MS4A15: variants seen among roughly 807,000 people sequenced by gnomAD.
MS4A15 encodes the protein membrane-spanning 4-domains subfamily A member 15.
In MS4A15, 22 loss-of-function variants were observed where a neutral mutation model predicts 20.6. The observed-to-expected ratio is 1.07, with a 90% CI of 0.76 to 1.52. The LOEUF (loss-of-function observed/expected upper bound fraction) is 1.52. MS4A15 is among the 40% of genes most tolerant of loss of function. The probability of loss-of-function intolerance (pLI) is 0.00; values close to 1 mark genes in which losing one functional copy is unlikely to be tolerated. For missense variants in MS4A15, 312 were observed against 323.0 expected, an observed-to-expected ratio of 0.97 and a Z score of 0.26; for synonymous variants, 129 against 129.3, an observed-to-expected ratio of 1.00 and a Z score of 0.02.
At chr11:60,773,006 A>G (rs886394881) in intron 4 of MS4A15, among the ~76,000 whole-genome samples, 3 of 151,814 alleles carry the variant, frequency 2.0e-5, no homozygotes, top group South Asian at 2.1e-4. Flanking sequence ...GCCTCCCCCA[A>G]CCCATGCCCC....
intron 1 of MS4A15, among the ~76,000 whole-genome samples, chr11:60,758,788 C>T (rs1302630106): frequency 6.6e-6 from 1 of 152,144 alleles, no homozygotes; most frequent in Non-Finnish European, 1.5e-5. Flanking sequence ...ATTGTTGTTT[C>T]TGAGCCCTTG....
At chr11:60,767,230 T>A (rs1464763749) in intron 2 of MS4A15, among the ~76,000 whole-genome samples, 1 of 152,010 alleles carries the variant, frequency 6.6e-6, no homozygotes, top group African/African-American at 2.4e-5. Context: ...TTGAACCGAG[T>A]CCTGAGAAAG....
Position 60,775,630 on chromosome 11 carries a change from T to G in MS4A15, c.638T>G (p.Phe213Cys), listed in dbSNP as rs758022309. ...CCTGTGATCTTCCTGCCAAACGCCT[T>G]CAGCGCAGACTTCAACATCCCCAGC... ...SAPVIFLPNA[F>C]SADFNIPSPA... Residue 213 changes from phenylalanine to cysteine, a missense_variant, in exon 7 of 7, where the codon TTC becomes TGC. By Grantham distance (205) the Phe-to-Cys change is radical (BLOSUM62 -2). Transcript: ENST00000405633. 6.2e-7 allele frequency: 1 copy of G among 1,613,962 alleles called. No homozygotes were observed. The highest frequency in any genetic ancestry group is 1.3e-5 in the African/African-American group (1 of 75,062).
chr11:60,770,105 T>C (rs4939452), intron 3 of MS4A15, among the ~76,000 whole-genome samples: 71,009 of 151,996 alleles, frequency 0.47, 17,182 homozygotes, highest in Non-Finnish European at 0.52. Context: ...GCCAAGTACA[T>C]AGGTGCCATG....
At chr11:60,770,163 T>G (rs1853997344) in intron 3 of MS4A15, among the ~76,000 whole-genome samples, 2 of 152,186 alleles carry the variant, frequency 1.3e-5, no homozygotes, top group African/African-American at 4.8e-5. Context: ...GCCCGGCTGT[T>G]GTCATCCCAG....
chr11:60,772,586 T>C (rs1054564071), intron 4 of MS4A15, among the ~76,000 whole-genome samples: 1 of 152,236 alleles, frequency 6.6e-6, no homozygotes, highest in Admixed American at 6.5e-5. Context: ...TGTTCTGATC[T>C]CAATGACCTC....
intron 1 of MS4A15, among the ~76,000 whole-genome samples, chr11:60,758,313 A>G (rs7930940): frequency 0.68 from 102,646 of 151,946 alleles, 35,057 homozygotes; most frequent in South Asian, 0.81. Context: ...CAGTTAAACA[A>G]GGTGCCACAG....
At chr11:60,769,924 G>A (rs1284185106) in intron 3 of MS4A15, among the ~76,000 whole-genome samples, 9 of 152,108 alleles carry the variant, frequency 5.9e-5, no homozygotes, top group African/African-American at 1.9e-4. Flanking sequence ...TCACCCCAGG[G>A]CCTCCTCCAC....
chr11:60,773,477 C>T lies in MS4A15; in HGVS notation c.491C>T (p.Thr164Ile). ...ATTCTGCTCATGGATTTTGGTGTTA[C>T]CAACCGGGTGCGTTGTCAGATGGCC... Reference protein sequence around the residue: ...TAILLMDFGVTNRDVDRGYLA... With the variant: ...TAILLMDFGVINRDVDRGYLA... The change falls in exon 5 of 7, where the codon ACC becomes ATC. Residue 164 changes from threonine to isoleucine, a missense_variant. Coordinates refer to ENST00000405633, the MANE Select transcript of MS4A15 (RefSeq NM_001098835.2). 1 of 1,613,824 alleles carries T rather than the reference C, an allele frequency of 6.2e-7. No homozygotes were observed. Among genetic ancestry groups the T allele is most frequent in the Non-Finnish European group, 8.5e-7 (1 of 1,179,834 alleles).
chr11:60,771,479 G>C (rs960508060), intron 4 of MS4A15, 132 bp downstream of exon 4: 2 of 1,545,092 alleles, frequency 1.3e-6, no homozygotes, highest in Non-Finnish European at 1.7e-6. Flanking sequence ...AGTGCCAGGG[G>C]AGGGGCACCA....
chr11:60,771,774 T>G, intron 4 of MS4A15: 1 of 1,208,028 alleles, frequency 8.3e-7, no homozygotes, highest in South Asian at 1.5e-5. Flanking sequence ...AGAAGGAAAG[T>G]GGAAAGAAAT....
At chr11:60,759,842 G>A (rs1853689797) in intron 1 of MS4A15, among the ~76,000 whole-genome samples, 1 of 152,134 alleles carries the variant, frequency 6.6e-6, no homozygotes, top group Admixed American at 6.5e-5. Context: ...TTACTCACAT[G>A]TTTTCCTGCT....
intron 6 of MS4A15, among the ~76,000 whole-genome samples, chr11:60,775,038 G>A (rs1004063815): frequency 2.6e-5 from 4 of 152,298 alleles, no homozygotes; most frequent in South Asian, 4.1e-4. Context: ...CAGCAGAGCC[G>A]GACGTGGTGG....
rs1035518198 is a variant in MS4A15, at chr11:60,775,805, C to T, written c.*90C>T. On this transcript the variant is annotated 3_prime_UTR_variant, in exon 7 of 7. Coordinates refer to ENST00000405633, the MANE Select transcript of MS4A15 (RefSeq NM_001098835.2). ...CCCCACCTTGTTCATCAGGGGCCAGCCCCATCCCAGCTGCCCTCCCTCACC... is the reference window on the plus strand; with the variant it reads ...CCCCACCTTGTTCATCAGGGGCCAGTCCCATCCCAGCTGCCCTCCCTCACC... The T allele has an allele frequency of 9.6e-7, 1 of 1,045,992 alleles. No individual in the cohort carries two copies. The highest frequency in any genetic ancestry group is 1.4e-6 in the Non-Finnish European group (1 of 704,730). 64.8% of individuals were successfully genotyped at this position (1,045,992 alleles called of 1,614,324 possible). A position where few individuals can be genotyped will look rare whatever the true frequency, so the allele number is the denominator to read the frequency against.
At chr11:60,771,881 G>A (rs965949066) in intron 4 of MS4A15, 1 of 719,540 alleles carries the variant, frequency 1.4e-6, no homozygotes, top group Non-Finnish European at 1.9e-6. Flanking sequence ...GAACAGGAGG[G>A]TATGAGCTTT....
intron 6 of MS4A15, among the ~76,000 whole-genome samples, chr11:60,774,402 A>T (rs1854131197): frequency 6.6e-6 from 1 of 152,158 alleles, no homozygotes; most frequent in African/African-American, 2.4e-5. Flanking sequence ...TGGGTGACAG[A>T]GGAAGGCTGT....
rs372619735 is a variant in MS4A15 at position 60,761,560 on chromosome 11, A to G, written c.-28-2146A>G. Among the ~76,000 whole-genome samples the G allele has an allele frequency of 2.2e-4, 34 of 152,328 alleles. No individual in the cohort carries two copies. In the East Asian group the frequency reaches 3.5e-3, roughly 16 times the overall value. ...TCCCCATGGTTATCTTATGTCTGCA[A>G]ATCAGACTATTGGATCTGGGAGTCC... On this transcript the variant is annotated intron_variant, in intron 1 of 6. Transcript: ENST00000405633.
chr11:60,762,049 T>G (rs1300676702), intron 1 of MS4A15, among the ~76,000 whole-genome samples: 1 of 152,236 alleles, frequency 6.6e-6, no homozygotes. Context: ...CACTGTCTCA[T>G]ACTCAGAAAA....
intron 1 of MS4A15, among the ~76,000 whole-genome samples, chr11:60,759,980 T>C (rs147780942): frequency 0.013 from 1,993 of 152,306 alleles, 43 homozygotes; most frequent in African/African-American, 0.044. Flanking sequence ...GTTCCTCGCA[T>C]GCTGAGTGTG....
Sources: gnomAD v4.1 joint callset for allele counts (sites outside exome capture counted in the v4.1 genomes callset) on GRCh38, gnomAD v4.1.1 for gene constraint, MANE v1.5 for transcripts, NCBI Gene and HGNC (gene_info 2026-07-23, HGNC 2026-07-21) for gene names.